Variants in SLIT3 observed in about 807,000 individuals in gnomAD.
SLIT3 encodes the protein slit guidance ligand 3, also known as slit homolog 3 protein.
Under a neutral mutation model 184.0 loss-of-function variants are expected in SLIT3, and 68 were observed. The observed-to-expected ratio is 0.37, with a 90% CI of 0.30 to 0.45. The LOEUF (loss-of-function observed/expected upper bound fraction) is 0.45. SLIT3 is among the 20% of genes least tolerant of loss of function. The pLI, the probability that SLIT3 is intolerant of heterozygous loss-of-function variation, is 1.00. For missense variants in SLIT3, 1,707 were observed against 2,026.0 expected (o/e 0.84, Z 3.02); for synonymous variants, 831 against 828.6 (o/e 1.00, Z -0.05).
rs1022161206 is a variant in SLIT3 at position 169,176,070 on chromosome 5, T to C, written c.413+17409A>G. On this transcript the variant is annotated intron_variant, in intron 4 of 35. Transcript: ENST00000519560. ...AACATTTGTAATGTTTCTCAACAGCTAAAGTACTTCTGGGCCTGCTCCACC... is the reference window on the plus strand; with the variant it reads ...AACATTTGTAATGTTTCTCAACAGCCAAAGTACTTCTGGGCCTGCTCCACC... 7.9e-5 allele frequency among the ~76,000 whole-genome samples: 12 copies of C among 152,294 alleles called. No homozygotes were observed. The South Asian group carries it at 8.3e-4, about 11-fold the overall frequency.
intron 6 of SLIT3, among the ~76,000 whole-genome samples, chr5:168,835,365 A>G (rs1255598198): frequency 6.6e-6 from 1 of 152,188 alleles, no homozygotes; most frequent in Non-Finnish European, 1.5e-5. Context: ...AAGTTAAAAG[A>G]AAATGGACTC....
chr5:168,874,330 C>A (rs1759653001), intron 5 of SLIT3, among the ~76,000 whole-genome samples: 1 of 152,112 alleles, frequency 6.6e-6, no homozygotes, highest in South Asian at 2.1e-4. Flanking sequence ...CATCATGCCC[C>A]TTCATTCATT....
chr5:168,928,300 T>C (rs1761892991), intron 4 of SLIT3, among the ~76,000 whole-genome samples: 1 of 152,254 alleles, frequency 6.6e-6, no homozygotes, highest in African/African-American at 2.4e-5. Flanking sequence ...GATTTTAATA[T>C]GCTAGTTATA....
chr5:169,168,798 G>A (rs554604267), intron 4 of SLIT3, among the ~76,000 whole-genome samples: 2 of 152,336 alleles, frequency 1.3e-5, no homozygotes, highest in South Asian at 4.1e-4. Flanking sequence ...TGAAGTCTGA[G>A]CTGCATGCAT....
At chr5:169,024,791 C>T (rs1048079092) in intron 4 of SLIT3, 1 of 152,028 alleles carries the variant, frequency 6.6e-6, no homozygotes, top group African/African-American at 2.4e-5. Context: ...AGCAGTGATG[C>T]AAGAAAGAGA....
chr5:168,705,195 C>A (rs1295637577), intron 26 of SLIT3, among the ~76,000 whole-genome samples: 4 of 152,168 alleles, frequency 2.6e-5, no homozygotes, highest in Non-Finnish European at 5.9e-5. Context: ...TGCCAACAGG[C>A]AGTGAGTGCA....
intron 4 of SLIT3, among the ~76,000 whole-genome samples, chr5:168,962,349 C>CACACG (rs1561576430): frequency 1.9e-4 from 29 of 151,920 alleles, no homozygotes; most frequent in African/African-American, 6.8e-4. Flanking sequence ...CACACACACA[C>CACACG]AGTGGTACCC....
At chr5:168,894,302 C>T (rs12654173) in intron 4 of SLIT3, among the ~76,000 whole-genome samples, 47,057 of 152,108 alleles carry the variant, frequency 0.31, 8,004 homozygotes, top group East Asian at 0.6. Flanking sequence ...TTATTAGCTT[C>T]GTGTAGGCAG....
intron 4 of SLIT3, among the ~76,000 whole-genome samples, chr5:168,961,882 G>GTGTGTGTGTA (rs1279117152): frequency 4.0e-5 from 6 of 151,818 alleles, no homozygotes; most frequent in African/African-American, 1.2e-4. Flanking sequence ...GTGTGTGTGT[G>GTGTGTGTGTA]TGTATGTGTG....
chr5:169,142,062 AAAATAAAAATAAAAATAAAAAT>A (rs910026322), intron 4 of SLIT3, among the ~76,000 whole-genome samples: 33 of 88,414 alleles, frequency 3.7e-4, no homozygotes, highest in African/African-American at 2.5e-3. Context: ...AAAAAAAATA[AAAATAAAAATAAAAATAAAAAT>A]AAATAAATAA....
chr5:169,268,607 C>T (rs1370196135), intron 1 of SLIT3, among the ~76,000 whole-genome samples: 1 of 152,162 alleles, frequency 6.6e-6, no homozygotes, highest in Admixed American at 6.5e-5. Context: ...CAACAGGGCA[C>T]GGAGTTGAGG....
At chr5:168,795,228 T>C (rs761370125) in intron 10 of SLIT3, among the ~76,000 whole-genome samples, 3 of 152,206 alleles carry the variant, frequency 2.0e-5, no homozygotes, top group Admixed American at 6.5e-5. Flanking sequence ...AAATGGATTT[T>C]CCAGGCTAAT....
At chr5:168,757,022 A>G (rs1387606749) in intron 16 of SLIT3, among the ~76,000 whole-genome samples, 2 of 152,258 alleles carry the variant, frequency 1.3e-5, no homozygotes, top group African/African-American at 4.8e-5. Context: ...TGCCGTCTCT[A>G]CATCCATCAA....
chr5:169,197,921 T>C (rs1285376007), intron 3 of SLIT3, among the ~76,000 whole-genome samples: 1 of 152,204 alleles, frequency 6.6e-6, no homozygotes, highest in Non-Finnish European at 1.5e-5. Context: ...CTAAAGGCCT[T>C]TCTAGATGTA....
intron 1 of SLIT3, among the ~76,000 whole-genome samples, chr5:169,257,177 A>G (rs1244853473): frequency 2.0e-5 from 3 of 152,188 alleles, no homozygotes; most frequent in Non-Finnish European, 2.9e-5. Context: ...CAGGAGCACA[A>G]GTACTATATG....
Position 169,273,522 on chromosome 5 carries a change from C to T in SLIT3, c.198-22063G>A, listed in dbSNP as rs201580753. Among the ~76,000 whole-genome samples the T allele has an allele frequency of 2.0e-5, 3 of 152,194 alleles. No homozygotes were observed. The East Asian group carries it at 5.8e-4, about 29-fold the overall frequency. On this transcript the variant is annotated intron_variant, in intron 1 of 35. Transcript: ENST00000519560. ...TTAGAATCACCTGAGGGAGCTTTAA[C>T]ACTTGCTGCCCAGGCCACACTGCAG...
At chr5:169,240,497 CTAATA>C (rs1765361758) in intron 3 of SLIT3, among the ~76,000 whole-genome samples, 1 of 148,926 alleles carries the variant, frequency 6.7e-6, no homozygotes, top group South Asian at 2.1e-4. Flanking sequence ...CTCTTTATAT[CTAATA>C]TATTTTCTTT....
intron 4 of SLIT3, among the ~76,000 whole-genome samples, chr5:169,117,750 A>G (rs1010793500): frequency 1.3e-5 from 2 of 152,210 alleles, no homozygotes; most frequent in African/African-American, 4.8e-5. Flanking sequence ...AGGGGTCTCT[A>G]TTCTCAAAAG....
At chr5:168,769,956 T>G (rs544311714) in intron 14 of SLIT3, among the ~76,000 whole-genome samples, 7 of 152,306 alleles carry the variant, frequency 4.6e-5, no homozygotes, top group African/African-American at 9.6e-5. Context: ...GTTCTGTAAT[T>G]CCTTGAGAGC....
Sources: allele counts gnomAD v4.1 joint callset (sites outside exome capture counted in the v4.1 genomes callset), GRCh38; gene constraint gnomAD v4.1.1; transcripts MANE v1.5; gene names NCBI Gene and HGNC (gene_info 2026-07-23, HGNC 2026-07-21).